GALK2: variants seen among roughly 807,000 people sequenced by gnomAD.
GALK2 encodes the protein N-acetylgalactosamine kinase.
GALK2 carries 36 observed loss-of-function variants against 52.4 expected under a neutral mutation model. That is an observed-to-expected ratio of 0.69 (90% CI 0.53 to 0.91). The LOEUF (loss-of-function observed/expected upper bound fraction) is 0.91, where lower values mean the gene tolerates loss of function less well. Among genes scored for constraint, GALK2 ranks in the 40% least tolerant of loss-of-function variants. The pLI is 0.00. For synonymous variants in GALK2, 176 were observed against 199.1 expected (o/e 0.88, Z 0.98); for missense variants, 579 against 559.1 (o/e 1.04, Z -0.36).
intron 5 of GALK2, among the ~76,000 whole-genome samples, chr15:49,263,382 G>A (rs2141641392): frequency 8.9e-6 from 1 of 112,138 alleles, no homozygotes; most frequent in Admixed American, 8.5e-5. Context: ...TCAGAGACTG[G>A]GATTGCAACC....
chr15:49,233,042 G>C (rs2090591853), intron 3 of GALK2, among the ~76,000 whole-genome samples: 1 of 152,058 alleles, frequency 6.6e-6, no homozygotes, highest in African/African-American at 2.4e-5. Context: ...CAATGCCCCT[G>C]TCCTTGTTAC....
intron 1 of GALK2, among the ~76,000 whole-genome samples, chr15:49,161,065 C>T (rs1408236147): frequency 6.6e-6 from 1 of 152,166 alleles, no homozygotes; most frequent in Non-Finnish European, 1.5e-5. Flanking sequence ...GGATAATATG[C>T]TTAACAAATG....
chr15:49,202,254 C>T (rs752331694), intron 2 of GALK2, among the ~76,000 whole-genome samples: 3 of 152,186 alleles, frequency 2.0e-5, no homozygotes, highest in Non-Finnish European at 2.9e-5. Flanking sequence ...ATCCACCTGC[C>T]TTGGCCTCCC....
chr15:49,342,403 T>C (rs1054322032), intron 3 of GALK2, among the ~76,000 whole-genome samples: 1 of 152,182 alleles, frequency 6.6e-6, no homozygotes, highest in South Asian at 2.1e-4. Context: ...GTCCTTTAAT[T>C]TGAGCCTAGG....
intron 3 of GALK2, among the ~76,000 whole-genome samples, chr15:49,234,771 T>C (rs2090701332): frequency 7.1e-6 from 1 of 141,504 alleles, no homozygotes; most frequent in East Asian, 2.0e-4. Flanking sequence ...TATCAGATAC[T>C]TTTTTTTTTT....
At chr15:49,185,675 G>C (rs569318070) in intron 1 of GALK2, 2 of 152,150 alleles carry the variant, frequency 1.3e-5, no homozygotes, top group Non-Finnish European at 2.9e-5. Flanking sequence ...CTAGTGTAAG[G>C]TGGGTATCTC....
chr15:49,253,957 A>G (rs1251274320), intron 5 of GALK2, among the ~76,000 whole-genome samples: 1 of 144,086 alleles, frequency 6.9e-6, no homozygotes, highest in East Asian at 1.9e-4. Flanking sequence ...AGCCACTGGT[A>G]TTGACAATAG....
chr15:49,303,549 T>C (rs538862226), intron 8 of GALK2, among the ~76,000 whole-genome samples: 10 of 152,336 alleles, frequency 6.6e-5, no homozygotes, highest in African/African-American at 2.4e-4. Context: ...TGTAGACCTT[T>C]GAAGCATGAA....
intron 8 of GALK2, among the ~76,000 whole-genome samples, chr15:49,300,135 A>G (rs890796836): frequency 2.0e-5 from 3 of 152,032 alleles, no homozygotes; most frequent in African/African-American, 7.2e-5. Context: ...TTGGGTGAAT[A>G]TATATTTAGG....
chr15:49,284,134 A>G (rs1478108226), intron 7 of GALK2, among the ~76,000 whole-genome samples: 1 of 152,162 alleles, frequency 6.6e-6, no homozygotes, highest in Non-Finnish European at 1.5e-5. Flanking sequence ...GGATTGGTGA[A>G]GTCCCCCCAG....
In GALK2 at chr15:49,354,372, C is replaced by A. The variant is rs551377199; in HGVS notation, c.427-13119C>A. On this transcript the variant is annotated intron_variant, in intron 3 of 3. Transcript: ENST00000558399. ...ACTAGGGAGTGCCAGACAGTGGGCG[C>A]AGGTCAGTGGGTGCGCGCACCGTGC... Among the ~76,000 whole-genome samples the A allele has an allele frequency of 7.6e-4, 116 of 152,292 alleles. 1 individual carries two copies. Among genetic ancestry groups the A allele is most frequent in the Non-Finnish European group, 1.5e-3 (102 of 68,026 alleles).
chr15:49,294,087 C>CAAAT (rs201999229), intron 8 of GALK2, among the ~76,000 whole-genome samples: 32,095 of 130,762 alleles, frequency 0.25, 4,487 homozygotes, highest in East Asian at 0.35. Context: ...GACCCTGTCT[C>CAAAT]AAATAAATAA....
intron 5 of GALK2, among the ~76,000 whole-genome samples, chr15:49,279,834 T>C (rs2032435968): frequency 6.6e-6 from 1 of 152,240 alleles, no homozygotes; most frequent in African/African-American, 2.4e-5. Flanking sequence ...TTTTGGTTAC[T>C]AATTTATTTT....
intron 5 of GALK2, among the ~76,000 whole-genome samples, chr15:49,245,487 G>A (rs1224189845): frequency 2.6e-5 from 4 of 152,152 alleles, no homozygotes; most frequent in Admixed American, 6.6e-5. Flanking sequence ...AAAGTAAGAT[G>A]ACCTGTATGA....
At chr15:49,309,989 C>T (rs2035860395) in intron 8 of GALK2, among the ~76,000 whole-genome samples, 1 of 152,100 alleles carries the variant, frequency 6.6e-6, no homozygotes, top group African/African-American at 2.4e-5. Context: ...GAACTTATTC[C>T]TCCTATCTAG....
rs146167779 is a variant in GALK2, at chr15:49,283,622, A to G, written c.660A>G (p.Gly220=). 7.1e-5 allele frequency: 114 copies of G among 1,613,984 alleles called. No individual in the cohort carries two copies. The highest frequency in any genetic ancestry group is 2.8e-4 in the Admixed American group (17 of 60,012). ...LRATDVKLPS[G]AVFVIANSCV... Reference sequence around the variant, plus strand: ...CAACCGATGTAAAACTCCCAAGTGGAGCAGTGTTTGTGATTGCCAACAGTT... The same window carrying G: ...CAACCGATGTAAAACTCCCAAGTGGGGCAGTGTTTGTGATTGCCAACAGTT... The change falls in exon 7 of 10, where the codon GGA becomes GGG. Residue 220 remains glycine (G), a synonymous_variant. Transcript: ENST00000560031.
At chr15:49,217,386 A>G in intron 3 of GALK2, 73 bp downstream of exon 3, 2 of 1,386,922 alleles carry the variant, frequency 1.4e-6, no homozygotes, top group Non-Finnish European at 9.7e-7. Flanking sequence ...TTTAGGAGAC[A>G]TCAAATTTGT....
chr15:49,278,593 C>G (rs2032236434), intron 5 of GALK2, among the ~76,000 whole-genome samples: 1 of 152,096 alleles, frequency 6.6e-6, no homozygotes, highest in South Asian at 2.1e-4. Flanking sequence ...TACAATAATC[C>G]TGTGGCTAGG....
chr15:49,311,753 C>T (rs2036006417), intron 8 of GALK2, among the ~76,000 whole-genome samples: 1 of 152,222 alleles, frequency 6.6e-6, no homozygotes, highest in African/African-American at 2.4e-5. Context: ...ATGAGTGCCT[C>T]TTCTTTGTAG....
Sources: allele counts gnomAD v4.1 joint callset (sites outside exome capture counted in the v4.1 genomes callset), GRCh38; gene constraint gnomAD v4.1.1; transcripts MANE v1.5; gene names NCBI Gene and HGNC (gene_info 2026-07-23, HGNC 2026-07-21).